ANK2: variants seen among roughly 807,000 people sequenced by gnomAD.
ANK2 encodes ankyrin-2.
Under a neutral mutation model 360.5 loss-of-function variants are expected in ANK2, and 83 were observed. The ratio of observed to expected loss-of-function variants is 0.23; its 90% CI spans 0.19 to 0.28. The LOEUF (loss-of-function observed/expected upper bound fraction) is 0.28, where lower values mean the gene tolerates loss of function less well. Ranked by LOEUF, ANK2 falls within the 10% of genes least tolerant of loss-of-function variation. The pLI is 1.00. For synonymous variants in ANK2, 1,740 were observed against 1,759.5 expected, an observed-to-expected ratio of 0.99 and a Z score of 0.28; for missense variants, 4,201 against 4,795.7, an observed-to-expected ratio of 0.88 and a Z score of 3.66.
At chr4:113,292,842 G>A (rs962000684) in intron 21 of ANK2, 32 of 404,606 alleles carry the variant, frequency 7.9e-5, no homozygotes, top group Non-Finnish European at 1.3e-4. Flanking sequence ...TCTTAAGGGA[G>A]CACAGTAAGG....
At chr4:113,288,757 G>A (rs1056261149) in intron 20 of ANK2, among the ~76,000 whole-genome samples, 5 of 152,054 alleles carry the variant, frequency 3.3e-5, no homozygotes, top group Admixed American at 6.6e-5. Context: ...AATAGATGCC[G>A]GCTAGAACAT....
At chr4:113,352,484 T>C (rs1278815634) in intron 37 of ANK2, among the ~76,000 whole-genome samples, 1 of 152,208 alleles carries the variant, frequency 6.6e-6, no homozygotes, top group Non-Finnish European at 1.5e-5. Flanking sequence ...CTTTGTATAT[T>C]GGTAGAACTA....
intron 2 of ANK2, among the ~76,000 whole-genome samples, chr4:112,964,694 C>T (rs968315825): frequency 3.0e-4 from 46 of 151,820 alleles, no homozygotes; most frequent in African/African-American, 9.2e-4. Flanking sequence ...CTCAGCCTAC[C>T]GAGTAGCTGG....
chr4:112,804,621 T>C, the ANK2 span, among the ~76,000 whole-genome samples: 3 of 152,070 alleles, frequency 2.0e-5, no homozygotes, highest in African/African-American at 7.3e-5. Flanking sequence ...AATTGTAACA[T>C]GTGAGGTGGG....
chr4:113,170,745 T>TC (rs1437559764), intron 1 of ANK2, among the ~76,000 whole-genome samples: 2 of 152,172 alleles, frequency 1.3e-5, no homozygotes, highest in Non-Finnish European at 2.9e-5. Flanking sequence ...AAGAAAGTTG[T>TC]TCTGTGTTTC....
intron 1 of ANK2, among the ~76,000 whole-genome samples, chr4:113,053,437 G>T (rs919856274): frequency 4.6e-5 from 7 of 152,174 alleles, no homozygotes; most frequent in Non-Finnish European, 7.4e-5. Flanking sequence ...GCAGATTTGG[G>T]ATTGATGTTC....
chr4:113,129,134 G>C (rs1235146468), intron 1 of ANK2, among the ~76,000 whole-genome samples: 1 of 151,998 alleles, frequency 6.6e-6, no homozygotes, highest in Non-Finnish European at 1.5e-5. Context: ...GAAATAGCCC[G>C]GGGTCTTTAC....
chr4:113,183,912 G>A (rs2098464434), intron 2 of ANK2, among the ~76,000 whole-genome samples: 1 of 151,722 alleles, frequency 6.6e-6, no homozygotes. Flanking sequence ...ACAGGCTGAT[G>A]ACATCAGGAG....
chr4:112,889,091 A>C (rs2079201458), intron 1 of ANK2, among the ~76,000 whole-genome samples: 1 of 152,230 alleles, frequency 6.6e-6, no homozygotes, highest in Non-Finnish European at 1.5e-5. Context: ...TCTATAAATG[A>C]CACATTTCTC....
intron 1 of ANK2, among the ~76,000 whole-genome samples, chr4:113,105,752 GA>G (rs2093543073): frequency 6.6e-6 from 1 of 152,116 alleles, no homozygotes; most frequent in Admixed American, 6.6e-5. Context: ...CATCATGTTT[GA>G]AATTTTCTTA....
At chr4:113,290,872 G>A (rs1415920939) in intron 20 of ANK2, among the ~76,000 whole-genome samples, 5 of 152,112 alleles carry the variant, frequency 3.3e-5, no homozygotes, top group African/African-American at 9.7e-5. Context: ...CTATGACAGT[G>A]GATTAAGAAT....
intron 1 of ANK2, among the ~76,000 whole-genome samples, chr4:113,090,910 A>G (rs1309877559): frequency 2.0e-5 from 3 of 152,226 alleles, no homozygotes; most frequent in African/African-American, 4.8e-5. Flanking sequence ...GTTTGAGACA[A>G]TGACAGAGTT....
At chr4:112,834,365 G>GA (rs1477731950) in intron 1 of ANK2, among the ~76,000 whole-genome samples, 1 of 152,094 alleles carries the variant, frequency 6.6e-6, no homozygotes, top group African/African-American at 2.4e-5. Context: ...TATATCAGAA[G>GA]AAAAAAGTAT....
intron 1 of ANK2, among the ~76,000 whole-genome samples, chr4:113,110,227 T>G (rs1044238850): frequency 6.6e-6 from 1 of 152,084 alleles, no homozygotes; most frequent in Non-Finnish European, 1.5e-5. Context: ...GCAGGGGAAC[T>G]GCCCTTTATA....
the ANK2 span, among the ~76,000 whole-genome samples, chr4:112,744,063 CT>C: frequency 6.6e-6 from 1 of 152,020 alleles, no homozygotes; most frequent in Non-Finnish European, 1.5e-5. Context: ...GTCTCGAATT[CT>C]GCCCACCTCG....
At chr4:112,989,139 CT>C (rs2045909800) in intron 2 of ANK2, among the ~76,000 whole-genome samples, 1 of 152,196 alleles carries the variant, frequency 6.6e-6, no homozygotes. Context: ...TTCTAGAGAT[CT>C]TGTTCTGCTC....
chr4:112,939,856 C>T (rs2094072064), intron 2 of ANK2, among the ~76,000 whole-genome samples: 1 of 152,062 alleles, frequency 6.6e-6, no homozygotes, highest in African/African-American at 2.4e-5. Context: ...CAAATTATAC[C>T]TATTATTCTA....
intron 2 of ANK2, among the ~76,000 whole-genome samples, chr4:113,000,353 A>C (rs2050172573): frequency 6.6e-6 from 1 of 152,166 alleles, no homozygotes; most frequent in Non-Finnish European, 1.5e-5. Flanking sequence ...CACAAAGGGA[A>C]GTTTATGTCC....
At chr4:112,843,795 G>A (rs754073944) in intron 1 of ANK2, among the ~76,000 whole-genome samples, 30 of 151,996 alleles carry the variant, frequency 2.0e-4, no homozygotes, top group Admixed American at 1.3e-3. Flanking sequence ...ACTTAACTAC[G>A]TTACCCTGAA....
Sources: gnomAD v4.1 joint callset for allele counts (sites outside exome capture counted in the v4.1 genomes callset) on GRCh38, gnomAD v4.1.1 for gene constraint, MANE v1.5 for transcripts, NCBI Gene and HGNC (gene_info 2026-07-23, HGNC 2026-07-21) for gene names.